Variants in NRCAM observed in about 807,000 individuals in gnomAD.
The protein encoded by NRCAM is NgCAM-related cell adhesion molecule.
In NRCAM, 83 loss-of-function variants were observed where a neutral mutation model predicts 156.5. The ratio of observed to expected loss-of-function variants is 0.53; its 90% CI spans 0.44 to 0.64. The LOEUF (loss-of-function observed/expected upper bound fraction) is 0.64, where lower values mean the gene tolerates loss of function less well. Ranked by LOEUF, NRCAM falls within the 30% of genes least tolerant of loss-of-function variation. The pLI is 0.00. For missense variants in NRCAM, 1,417 were observed against 1,597.3 expected (o/e 0.89, Z 1.92); for synonymous variants, 538 against 563.9 (o/e 0.95, Z 0.65).
At chr7:108,214,257 A>C (rs1231109330) in intron 11 of NRCAM, among the ~76,000 whole-genome samples, 1 of 152,190 alleles carries the variant, frequency 6.6e-6, no homozygotes, top group Non-Finnish European at 1.5e-5. Context: ...GCTATTAATT[A>C]CTGCCTCAAT....
rs747733238 is a variant in NRCAM at position 108,247,577 on chromosome 7, C to T, written c.-106-7407G>A. On this transcript the variant is annotated intron_variant, in intron 3 of 32. Coordinates refer to ENST00000379028, the MANE Select transcript of NRCAM (RefSeq NM_001037132.4). Reference sequence around the variant, plus strand: ...TTATTTTAGCATAAATTTGTTTATGCTAAATTATTTTAGCATAAATTTGTT... The same window carrying T: ...TTATTTTAGCATAAATTTGTTTATGTTAAATTATTTTAGCATAAATTTGTT... Among the ~76,000 whole-genome samples, 150 of 130,384 alleles carry T rather than the reference C, an allele frequency of 1.2e-3. 2 individuals carry two copies. Among genetic ancestry groups the T allele is most frequent in the Non-Finnish European group, 1.0e-3 (64 of 62,702 alleles). 85.5% of individuals were successfully genotyped at this position (130,384 alleles called of 152,430 possible).
chr7:108,168,630 T>C (rs1440961527), intron 28 of NRCAM, among the ~76,000 whole-genome samples: 1 of 152,194 alleles, frequency 6.6e-6, no homozygotes, highest in Non-Finnish European at 1.5e-5. Flanking sequence ...ATATTAAAAT[T>C]TGTGAGTTCT....
At chr7:108,285,512 A>G (rs2098060409) in intron 3 of NRCAM, among the ~76,000 whole-genome samples, 1 of 152,184 alleles carries the variant, frequency 6.6e-6, no homozygotes, top group African/African-American at 2.4e-5. Flanking sequence ...GTTTGCTCAG[A>G]GGAGACAATG....
intron 32 of NRCAM, chr7:108,150,807 T>C (rs2041042934): frequency 2.2e-6 from 1 of 463,068 alleles, no homozygotes; most frequent in Non-Finnish European, 4.3e-6. Flanking sequence ...TTTTTTGTTT[T>C]TTTGGTAAAA....
chr7:108,396,157 G>A (rs904815643), intron 2 of NRCAM, among the ~76,000 whole-genome samples: 1 of 152,264 alleles, frequency 6.6e-6, no homozygotes, highest in Non-Finnish European at 1.5e-5. Context: ...ATATGAGTGA[G>A]ACAGAAAAAG....
intron 10 of NRCAM, among the ~76,000 whole-genome samples, chr7:108,225,096 C>A (rs757173029): frequency 6.6e-6 from 1 of 152,132 alleles, no homozygotes; most frequent in Non-Finnish European, 1.5e-5. Flanking sequence ...AAATGCTCTA[C>A]TTTTAAAAAG....
intron 1 of NRCAM, among the ~76,000 whole-genome samples, chr7:108,452,691 A>G (rs1042753486): frequency 2.0e-5 from 3 of 152,250 alleles, no homozygotes; most frequent in Non-Finnish European, 4.4e-5. Flanking sequence ...TGAAGACTGA[A>G]GTAAAGCAGT....
intron 3 of NRCAM, among the ~76,000 whole-genome samples, chr7:108,285,368 G>A (rs1466485571): frequency 6.6e-6 from 1 of 151,996 alleles, no homozygotes; most frequent in African/African-American, 2.4e-5. Flanking sequence ...ACAGGTACTG[G>A]CTCTATCAGG....
chr7:108,199,366 T>C (rs2076757364), intron 13 of NRCAM, among the ~76,000 whole-genome samples: 1 of 152,228 alleles, frequency 6.6e-6, no homozygotes, highest in East Asian at 1.9e-4. Flanking sequence ...TCTGTAATAG[T>C]TTTCCACGGT....
At chr7:108,352,482 G>GTCTGCCTGGATGCTGGAAAGGTTGC (rs2099421389) in intron 2 of NRCAM, among the ~76,000 whole-genome samples, 2 of 152,174 alleles carry the variant, frequency 1.3e-5, no homozygotes, top group African/African-American at 4.8e-5. Flanking sequence ...GGAGTATCAG[G>GTCTGCCTGGATGCTGGAAAGGTTGC]TCTGCCTGGA....
chr7:108,231,410 A>G (rs920673327), intron 7 of NRCAM, among the ~76,000 whole-genome samples: 4 of 152,220 alleles, frequency 2.6e-5, no homozygotes, highest in African/African-American at 9.6e-5. Context: ...TACTACATAC[A>G]TCATCAGGAA....
At position 108,149,133 on chromosome 7, in the gene NRCAM, A is replaced by G. The variant is rs1044271045; in HGVS notation, c.*777T>C. On this transcript the variant is annotated 3_prime_UTR_variant, in exon 33 of 33. Transcript: ENST00000379028. ...TAATGTTTGAAATTTAATTTGGATG[A>G]TTTGTTTTTGATTCTTTCAGTATGG... The G allele has an allele frequency of 2.0e-5, 3 of 152,610 alleles. No homozygotes were observed. Among genetic ancestry groups the G allele is most frequent in the African/African-American group, 7.2e-5 (3 of 41,444 alleles). 9.5% of individuals were successfully genotyped at this position (152,610 alleles called of 1,614,324 possible). A position where few individuals can be genotyped will look rare whatever the true frequency, so the allele number is the denominator to read the frequency against.
At chr7:108,313,550 A>G (rs1192441315) in intron 2 of NRCAM, among the ~76,000 whole-genome samples, 1 of 152,228 alleles carries the variant, frequency 6.6e-6, no homozygotes, top group Non-Finnish European at 1.5e-5. Flanking sequence ...TAGGACAACT[A>G]TGAAACACAA....
intron 11 of NRCAM, among the ~76,000 whole-genome samples, chr7:108,211,963 C>T (rs1055777050): frequency 2.0e-5 from 3 of 152,212 alleles, no homozygotes; most frequent in African/African-American, 7.2e-5. Flanking sequence ...GAACATTAAA[C>T]CACCAAACCT....
intron 2 of NRCAM, among the ~76,000 whole-genome samples, chr7:108,318,343 C>T (rs187086221): frequency 8.3e-4 from 126 of 152,178 alleles, no homozygotes; most frequent in African/African-American, 2.3e-3. Context: ...CCGCACCTGG[C>T]CAGAAATTCA....
intron 26 of NRCAM, 74 bp downstream of exon 26, chr7:108,177,916 T>G (rs1355136907): frequency 5.0e-6 from 7 of 1,402,232 alleles, no homozygotes; most frequent in Non-Finnish European, 6.8e-6. Context: ...TGAGGAGGTA[T>G]AATTATTTGT....
intron 2 of NRCAM, among the ~76,000 whole-genome samples, chr7:108,380,503 T>C (rs551812296): frequency 6.6e-6 from 1 of 152,366 alleles, no homozygotes; most frequent in Non-Finnish European, 1.5e-5. Context: ...TTTCCTATTC[T>C]CTGTAGATTT....
chr7:108,166,467 C>T (rs200996463), intron 30 of NRCAM, among the ~76,000 whole-genome samples: 2 of 151,838 alleles, frequency 1.3e-5, no homozygotes, highest in Non-Finnish European at 2.9e-5. Context: ...AGGCTGGTCT[C>T]GAACTCCTGA....
At chr7:108,409,361 A>G (rs1596857480) in intron 1 of NRCAM, among the ~76,000 whole-genome samples, 1 of 152,212 alleles carries the variant, frequency 6.6e-6, no homozygotes, top group Middle Eastern at 3.4e-3. Flanking sequence ...AATGCATTGC[A>G]CCTCCCACTC....
Sources: allele counts gnomAD v4.1 joint callset (sites outside exome capture counted in the v4.1 genomes callset), GRCh38; gene constraint gnomAD v4.1.1; transcripts MANE v1.5; gene names NCBI Gene and HGNC (gene_info 2026-07-23, HGNC 2026-07-21).